Variants in DNAJC3 observed in about 807,000 individuals in gnomAD.
DNAJC3 encodes DnaJ heat shock protein family (Hsp40) member C3, also known as dnaJ homolog subfamily C member 3.
DNAJC3 carries 38 observed loss-of-function variants against 68.6 expected under a neutral mutation model. That is an observed-to-expected ratio of 0.55 (90% CI 0.43 to 0.73). The LOEUF is 0.73. Among genes scored for constraint, DNAJC3 ranks in the 30% least tolerant of loss-of-function variants. The probability of loss-of-function intolerance (pLI) is 0.00; values close to 1 mark genes in which losing one functional copy is unlikely to be tolerated. For synonymous variants in DNAJC3, 203 were observed against 204.0 expected, an observed-to-expected ratio of 1.00 and a Z score of 0.04; for missense variants, 526 against 591.9, an observed-to-expected ratio of 0.89 and a Z score of 1.16.
intron 9 of DNAJC3, among the ~76,000 whole-genome samples, chr13:95,784,150 T>C (rs1368828653): frequency 6.6e-6 from 1 of 152,246 alleles, no homozygotes; most frequent in Non-Finnish European, 1.5e-5. Flanking sequence ...ACATGTCTTT[T>C]ATCCTAGTGA....
chr13:95,774,367 G>C (rs1318071001), intron 9 of DNAJC3, among the ~76,000 whole-genome samples: 1 of 151,952 alleles, frequency 6.6e-6, no homozygotes, highest in Non-Finnish European at 1.5e-5. Context: ...TATTTATTTT[G>C]AATTTAATTC....
intron 4 of DNAJC3, among the ~76,000 whole-genome samples, chr13:95,748,031 T>A (rs1009615363): frequency 6.6e-6 from 1 of 152,190 alleles, no homozygotes; most frequent in Non-Finnish European, 1.5e-5. Flanking sequence ...ATTCTTCCCT[T>A]TTATCTCAAA....
At chr13:95,726,009 A>AT (rs1566485787) in intron 4 of DNAJC3, among the ~76,000 whole-genome samples, 2 of 151,740 alleles carry the variant, frequency 1.3e-5, no homozygotes, top group South Asian at 4.2e-4. Context: ...TGAACTCTTC[A>AT]TTTTTTATGG....
At chr13:95,745,829 T>A (rs956409697) in intron 4 of DNAJC3, 2 of 152,238 alleles carry the variant, frequency 1.3e-5, no homozygotes, top group Admixed American at 6.5e-5. Flanking sequence ...CAATACACTT[T>A]GAAGAAAAAA....
At position 95,782,962 on chromosome 13, in the gene DNAJC3, C is replaced by T. The variant is rs369538989; in HGVS notation, c.1076-2977C>T. 9.2e-5 allele frequency among the ~76,000 whole-genome samples: 14 copies of T among 152,270 alleles called. No individual in the cohort carries two copies. The South Asian group carries it at 1.4e-3, about 16-fold the overall frequency. On this transcript the variant is annotated intron_variant, in intron 9 of 11. Transcript: ENST00000602402. ...ATGGTTTTATGTCTTACGTTTAAGTCTTTAGTCCACCTCGAGTTAATTTTT... is the reference window on the plus strand; with the variant it reads ...ATGGTTTTATGTCTTACGTTTAAGTTTTTAGTCCACCTCGAGTTAATTTTT...
In DNAJC3 at chr13:95,781,773, C is replaced by T. The variant is rs1382808091; in HGVS notation, c.1076-4166C>T. On this transcript the variant is annotated intron_variant, in intron 9 of 11. Coordinates refer to ENST00000602402, the MANE Select transcript of DNAJC3 (RefSeq NM_006260.5). ...GCTTATTCTATTTTTCATAGCTGTT[C>T]AGTAATGGTGGGATAAACATTGGAT... Among the ~76,000 whole-genome samples, 7 of 149,878 alleles carry T rather than the reference C, an allele frequency of 4.7e-5. 1 individual carries two copies. The highest frequency in any genetic ancestry group is 5.9e-5 in the Non-Finnish European group (4 of 67,670).
intron 9 of DNAJC3, among the ~76,000 whole-genome samples, chr13:95,769,020 T>A (rs1224819923): frequency 7.0e-6 from 1 of 142,348 alleles, no homozygotes; most frequent in Non-Finnish European, 1.5e-5. Flanking sequence ...TCTATATCTA[T>A]ATCTATATCT....
intron 2 of DNAJC3, among the ~76,000 whole-genome samples, chr13:95,711,583 A>G (rs1880969296): frequency 6.6e-6 from 1 of 152,192 alleles, no homozygotes. Context: ...AATGAGGGGA[A>G]AAGTGGAAAA....
At chr13:95,697,605 T>C (rs1210329395) in intron 1 of DNAJC3, among the ~76,000 whole-genome samples, 3 of 152,168 alleles carry the variant, frequency 2.0e-5, no homozygotes, top group African/African-American at 7.2e-5. Context: ...TCAAATATGT[T>C]TTTTTAAAAT....
rs1882711351 is a variant in DNAJC3, at chr13:95,757,875, C to A, written c.546+79C>A. The A allele has an allele frequency of 5.8e-6, 8 of 1,376,288 alleles. No homozygotes were observed. In the South Asian group the frequency reaches 1.2e-4, roughly 20 times the overall value. The allele number at this position is 1,376,288 out of a possible 1,614,324, so 85.3% of individuals were successfully genotyped here. A position where few individuals can be genotyped will look rare whatever the true frequency, so the allele number is the denominator to read the frequency against. On this transcript the variant is annotated intron_variant, in intron 5 of 11. Transcript: ENST00000602402. The stretch of plus-strand genomic sequence containing the variant: ...TTTATATACTTCGACATGTCACATA[C>A]CACAAAGACCTAGACAGGAGAAAAT...
At chr13:95,732,055 T>A (rs1473819699) in intron 4 of DNAJC3, among the ~76,000 whole-genome samples, 4 of 152,052 alleles carry the variant, frequency 2.6e-5, no homozygotes, top group African/African-American at 9.7e-5. Flanking sequence ...CTTACCTTTT[T>A]GTCAAGCTAT....
chr13:95,793,433 A>C lies in DNAJC3; in HGVS notation c.*2403A>C, dbSNP rs1054119054. On this transcript the variant is annotated 3_prime_UTR_variant, in exon 12 of 12. Coordinates refer to ENST00000602402, the MANE Select transcript of DNAJC3 (RefSeq NM_006260.5). ...CTGTAGGGTAGCATTATCCACTGTAAAACCATACTACTTTCATTTTCCCTT... is the reference window on the plus strand; with the variant it reads ...CTGTAGGGTAGCATTATCCACTGTACAACCATACTACTTTCATTTTCCCTT... 3 of 151,840 alleles carry C rather than the reference A, an allele frequency of 2.0e-5. No individual in the cohort carries two copies. The highest frequency in any genetic ancestry group is 7.3e-5 in the African/African-American group (3 of 41,192). 9.4% of individuals were successfully genotyped at this position (151,840 alleles called of 1,614,324 possible). A position where few individuals can be genotyped will look rare whatever the true frequency, so the allele number is the denominator to read the frequency against.
At chr13:95,750,158 T>C (rs1882428583) in intron 4 of DNAJC3, among the ~76,000 whole-genome samples, 1 of 151,308 alleles carries the variant, frequency 6.6e-6, no homozygotes, top group African/African-American at 2.4e-5. Context: ...ACAGGGACAA[T>C]GTGGAATTCC....
intron 1 of DNAJC3, among the ~76,000 whole-genome samples, chr13:95,691,582 G>A (rs1880263260): frequency 6.6e-6 from 1 of 151,892 alleles, no homozygotes; most frequent in Non-Finnish European, 1.5e-5. Context: ...TAGGCAGCCA[G>A]GCAGAGGGGC....
At chr13:95,750,583 TA>T (rs1275365730) in intron 4 of DNAJC3, among the ~76,000 whole-genome samples, 1 of 151,760 alleles carries the variant, frequency 6.6e-6, no homozygotes, top group Admixed American at 6.6e-5. Context: ...GATCTCTGCT[TA>T]CTGCAACCTC....
At chr13:95,737,666 T>A (rs1369984257) in intron 4 of DNAJC3, among the ~76,000 whole-genome samples, 1 of 151,872 alleles carries the variant, frequency 6.6e-6, no homozygotes, top group Non-Finnish European at 1.5e-5. Flanking sequence ...TCGGTGGTGA[T>A]ATCCCCTTTA....
chr13:95,764,542 A>G (rs974925293), intron 9 of DNAJC3, among the ~76,000 whole-genome samples: 5 of 148,948 alleles, frequency 3.4e-5, no homozygotes, highest in African/African-American at 1.2e-4. Context: ...ATAACAAGAG[A>G]TTCCTGCCAG....
rs1883907660 is a variant in DNAJC3, at chr13:95,794,675, C to T, written c.*3645C>T. ...ATGATTGATTTAAGAGTAAAATTAGCCACTGCGTGGCTTTGTGTATAGTAA... is the reference window on the plus strand; with the variant it reads ...ATGATTGATTTAAGAGTAAAATTAGTCACTGCGTGGCTTTGTGTATAGTAA... On this transcript the variant is annotated 3_prime_UTR_variant, in exon 12 of 12. Transcript: ENST00000602402. 6.6e-6 allele frequency: 1 copy of T among 152,124 alleles called. No homozygotes were observed. Among genetic ancestry groups the T allele is most frequent in the Non-Finnish European group, 1.5e-5 (1 of 68,032 alleles). 9.4% of individuals were successfully genotyped at this position (152,124 alleles called of 1,614,324 possible).
At chr13:95,695,011 A>C (rs1454512216) in intron 1 of DNAJC3, 1 of 152,400 alleles carries the variant, frequency 6.6e-6, no homozygotes, top group Non-Finnish European at 1.5e-5. Context: ...AGTAATTACA[A>C]ATCTATTATC....
Sources: gnomAD v4.1 joint callset for allele counts (sites outside exome capture counted in the v4.1 genomes callset) on GRCh38, gnomAD v4.1.1 for gene constraint, MANE v1.5 for transcripts, NCBI Gene and HGNC (gene_info 2026-07-23, HGNC 2026-07-21) for gene names.